The following ADCY8 variants were observed in gnomAD, a reference collection of about 807,000 sequenced individuals.
The protein encoded by ADCY8 is adenylate cyclase type 8.
ADCY8 carries 51 observed loss-of-function variants against 119.7 expected under a neutral mutation model. The observed-to-expected ratio is 0.43, with a 90% CI of 0.34 to 0.54. The LOEUF (loss-of-function observed/expected upper bound fraction) is 0.54, where lower values mean the gene tolerates loss of function less well. Among genes scored for constraint, ADCY8 ranks in the 20% least tolerant of loss-of-function variants. ADCY8 has a pLI of 0.03. For missense variants in ADCY8, 1,383 were observed against 1,598.8 expected (o/e 0.87, Z 2.30); for synonymous variants, 665 against 651.0 (o/e 1.02, Z -0.33).
intron 2 of ADCY8, among the ~76,000 whole-genome samples, chr8:130,954,760 C>T (rs1024203294): frequency 2.0e-5 from 3 of 152,172 alleles, no homozygotes; most frequent in Non-Finnish European, 4.4e-5. Flanking sequence ...ACCAAATTCT[C>T]CTGATTCCCA....
intron 2 of ADCY8, among the ~76,000 whole-genome samples, chr8:130,965,410 C>T (rs984264861): frequency 6.6e-6 from 1 of 152,170 alleles, no homozygotes; most frequent in East Asian, 1.9e-4. Context: ...CAAGATCAGT[C>T]ATTCCCCAAA....
intron 15 of ADCY8, among the ~76,000 whole-genome samples, chr8:130,789,878 G>A (rs1013669998): frequency 2.0e-5 from 3 of 152,142 alleles, no homozygotes; most frequent in South Asian, 2.1e-4. Flanking sequence ...AGAAACTCTC[G>A]GGATGGGGCT....
intron 5 of ADCY8, 45 bp from the exon 6 acceptor site, chr8:130,909,911 T>C: frequency 6.4e-7 from 1 of 1,563,056 alleles, no homozygotes; most frequent in Non-Finnish European, 8.7e-7. Context: ...AAGACCAGAG[T>C]GGGCATCGTT....
At chr8:131,004,461 C>T (rs1253905888) in intron 1 of ADCY8, among the ~76,000 whole-genome samples, 1 of 152,172 alleles carries the variant, frequency 6.6e-6, no homozygotes, top group Non-Finnish European at 1.5e-5. Flanking sequence ...GGTCAAGCCT[C>T]ATCTTGGTCA....
At chr8:130,955,019 A>T (rs976225704) in intron 2 of ADCY8, among the ~76,000 whole-genome samples, 6 of 152,224 alleles carry the variant, frequency 3.9e-5, no homozygotes, top group African/African-American at 1.2e-4. Context: ...TTATTCATCT[A>T]ACAAATATTT....
chr8:131,000,962 T>G (rs1362697466), intron 1 of ADCY8, among the ~76,000 whole-genome samples: 2 of 152,080 alleles, frequency 1.3e-5, no homozygotes, highest in East Asian at 3.9e-4. Flanking sequence ...GGTCTTCAAA[T>G]GCATCGTAAA....
chr8:130,998,884 G>A (rs1822859122), intron 1 of ADCY8, among the ~76,000 whole-genome samples: 1 of 152,074 alleles, frequency 6.6e-6, no homozygotes, highest in Non-Finnish European at 1.5e-5. Flanking sequence ...CGGATCCTTT[G>A]GCCATACTGA....
intron 2 of ADCY8, among the ~76,000 whole-genome samples, chr8:130,953,071 G>A (rs1049542261): frequency 6.6e-6 from 1 of 152,216 alleles, no homozygotes; most frequent in Non-Finnish European, 1.5e-5. Flanking sequence ...AAAAGTCTTT[G>A]TGTTGTGGAA....
chr8:130,884,672 A>G lies in ADCY8; in HGVS notation c.2001T>C (p.Ile667=), dbSNP rs1586530893. The G allele has an allele frequency of 2.5e-6, 4 of 1,613,880 alleles. No individual in the cohort carries two copies. Among genetic ancestry groups the G allele is most frequent in the Middle Eastern group, 1.7e-4 (1 of 6,058 alleles). The part of the protein sequence containing the change: ...ALHVQSGPEE[I]NKRIEHTIDL... ...CGATGGTATGTTCTATTCTCTTGTT[A>G]ATTTCCTCAGGCCCAGACTGGACAT... Residue 667 remains isoleucine, a synonymous_variant, in exon 8 of 18, where the codon ATT becomes ATC. Transcript: ENST00000286355.
chr8:130,796,369 G>C (rs1197470123), intron 15 of ADCY8, among the ~76,000 whole-genome samples: 2 of 152,162 alleles, frequency 1.3e-5, no homozygotes, highest in Admixed American at 1.3e-4. Flanking sequence ...GCCCTTTATT[G>C]AGGCAGGGGC....
chr8:130,958,182 C>T (rs72714500), intron 2 of ADCY8, among the ~76,000 whole-genome samples: 10,303 of 152,222 alleles, frequency 0.068, 626 homozygotes, highest in East Asian at 0.32. Flanking sequence ...GGACATACCC[C>T]AACGCCCACA....
At chr8:131,016,293 A>G (rs1263064427) in intron 1 of ADCY8, among the ~76,000 whole-genome samples, 1 of 152,072 alleles carries the variant, frequency 6.6e-6, no homozygotes, top group Non-Finnish European at 1.5e-5. Flanking sequence ...GGAGGCCAAG[A>G]AAAAGGATCA....
At chr8:130,832,967 A>T (rs1816883093) in intron 12 of ADCY8, among the ~76,000 whole-genome samples, 1 of 152,320 alleles carries the variant, frequency 6.6e-6, no homozygotes, top group South Asian at 2.1e-4. Flanking sequence ...TATTCCGTTA[A>T]TGTTGTGTCT....
chr8:130,840,293 A>G (rs114763739), intron 11 of ADCY8, among the ~76,000 whole-genome samples: 24 of 138,120 alleles, frequency 1.7e-4, no homozygotes, highest in African/African-American at 5.6e-4. Flanking sequence ...AGCTGAACTT[A>G]CAGGTGTGGA....
At chr8:130,824,454 C>T (rs557808770) in intron 12 of ADCY8, among the ~76,000 whole-genome samples, 219 of 152,276 alleles carry the variant, frequency 1.4e-3, no homozygotes, top group South Asian at 2.5e-3. Context: ...TTTTCAGTAG[C>T]TACAATGCCC....
chr8:130,933,603 G>A (rs1433218708), intron 5 of ADCY8, among the ~76,000 whole-genome samples: 1 of 152,178 alleles, frequency 6.6e-6, no homozygotes, highest in East Asian at 1.9e-4. Flanking sequence ...GAATCAAGGA[G>A]TTGTTTGGAT....
At chr8:130,850,084 G>A (rs1243130910) in intron 9 of ADCY8, among the ~76,000 whole-genome samples, 1 of 152,028 alleles carries the variant, frequency 6.6e-6, no homozygotes, top group African/African-American at 2.4e-5. Flanking sequence ...CTAGGCAATT[G>A]CTGTCATGGC....
intron 5 of ADCY8, among the ~76,000 whole-genome samples, chr8:130,922,600 T>C (rs1025389490): frequency 1.3e-5 from 2 of 151,980 alleles, no homozygotes; most frequent in African/African-American, 2.4e-5. Context: ...AAGTCTCCCA[T>C]GTCTACCTCT....
At chr8:130,785,503 G>T in intron 15 of ADCY8, 28 bp from the exon 16 acceptor site, 2 of 1,552,316 alleles carry the variant, frequency 1.3e-6, no homozygotes, top group Non-Finnish European at 1.8e-6. Flanking sequence ...AATGGTGTTA[G>T]CCCTGGTGTT....
Sources: allele counts gnomAD v4.1 joint callset (sites outside exome capture counted in the v4.1 genomes callset), GRCh38; gene constraint gnomAD v4.1.1; transcripts MANE v1.5; gene names NCBI Gene and HGNC (gene_info 2026-07-23, HGNC 2026-07-21).